Variants in SLC27A6 observed in about 807,000 individuals in gnomAD.
SLC27A6 encodes the protein solute carrier family 27 member 6.
In SLC27A6, 74 loss-of-function variants were observed where a neutral mutation model predicts 63.9. That is an observed-to-expected ratio of 1.16 (90% CI 0.96 to 1.40). SLC27A6 has a LOEUF of 1.40. SLC27A6 is among the 40% of genes most tolerant of loss of function. The pLI is 0.00. For missense variants in SLC27A6, 794 were observed against 732.9 expected (o/e 1.08, Z -0.96); for synonymous variants, 287 against 260.8 (o/e 1.10, Z -0.97).
intron 4 of SLC27A6, among the ~76,000 whole-genome samples, chr5:129,002,493 C>CCTCG (rs1306041844): frequency 1.1e-5 from 1 of 93,006 alleles, no homozygotes; most frequent in Admixed American, 1.4e-4. Flanking sequence ...TCTCTCGTTC[C>CCTCG]TTCCCTCTCT....
chr5:128,971,616 C>T (rs34745544), intron 1 of SLC27A6, among the ~76,000 whole-genome samples: 9 of 150,572 alleles, frequency 6.0e-5, no homozygotes, highest in Admixed American at 4.0e-4. Context: ...TTTGGTTGGT[C>T]GGTCTTCCTG....
In SLC27A6 at chr5:129,028,420, C is replaced by T. The variant is rs774230792; in HGVS notation, c.1530C>T (p.Asn510=). The T allele has an allele frequency of 2.5e-5, 40 of 1,604,058 alleles. No individual in the cohort carries two copies. The highest frequency in any genetic ancestry group is 8.4e-5 in the Admixed American group (5 of 59,648). Residue 510 remains asparagine (N), a synonymous_variant, in exon 8 of 10, where the codon AAC becomes AAT. Transcript: ENST00000262462. ...IGMLDFIQEA[N]VYGVAISGYE... ...TGTTGGATTTCATACAGGAAGCAAA[C>T]GTCTATGGTGTGGCTATATCAGGTA...
chr5:128,980,089 G>T (rs1482353048), intron 1 of SLC27A6, among the ~76,000 whole-genome samples: 1 of 152,138 alleles, frequency 6.6e-6, no homozygotes, highest in Non-Finnish European at 1.5e-5. Context: ...CCAATCTGTT[G>T]CTCTCCCTTC....
chr5:128,991,721 TA>T lies in SLC27A6; in HGVS notation c.969+1268del, dbSNP rs1181727318. Among the ~76,000 whole-genome samples, 647 of 148,784 alleles carry T rather than the reference TA, an allele frequency of 4.3e-3. 7 individuals are homozygous for T. Among genetic ancestry groups the T allele is most frequent in the African/African-American group, 0.014 (579 of 40,730 alleles). ...GATATCTTTTTGTTTTACTTTAAAT[TA>T]AAAAAAAAAACCCACATTGCTTTGA... On this transcript the variant is annotated intron_variant, in intron 4 of 9. Transcript: ENST00000262462.
chr5:128,986,157 T>A (rs913945773), intron 2 of SLC27A6, among the ~76,000 whole-genome samples: 1 of 151,386 alleles, frequency 6.6e-6, no homozygotes, highest in Non-Finnish European at 1.5e-5. Flanking sequence ...ACAAAAAAAT[T>A]AAAAAAAATA....
intron 4 of SLC27A6, among the ~76,000 whole-genome samples, chr5:129,002,489 GTTCC>G (rs762356396): frequency 0.23 from 33,601 of 149,322 alleles, 4,944 homozygotes; most frequent in East Asian, 0.7. Context: ...TCCCTCTCTC[GTTCC>G]TTCCCTCTCT....
At chr5:128,998,558 A>C (rs1751233586) in intron 4 of SLC27A6, among the ~76,000 whole-genome samples, 1 of 152,144 alleles carries the variant, frequency 6.6e-6, no homozygotes, top group African/African-American at 2.4e-5. Flanking sequence ...TGTCACAAAA[A>C]GACTAAAAAT....
At chr5:128,976,907 T>C (rs257895) in intron 1 of SLC27A6, among the ~76,000 whole-genome samples, 11,711 of 152,206 alleles carry the variant, frequency 0.077, 1,254 homozygotes, top group East Asian at 0.56. Context: ...TAATATGTGG[T>C]GTATTAAGAA....
At chr5:128,984,660 C>T (rs1156240525) in intron 1 of SLC27A6, among the ~76,000 whole-genome samples, 2 of 152,216 alleles carry the variant, frequency 1.3e-5, no homozygotes, top group Non-Finnish European at 2.9e-5. Context: ...GGAATGATTT[C>T]TAAACCACAA....
At chr5:129,002,997 T>A (rs548470930) in intron 4 of SLC27A6, among the ~76,000 whole-genome samples, 5 of 152,338 alleles carry the variant, frequency 3.3e-5, no homozygotes, top group African/African-American at 1.2e-4. Context: ...CCTTTATTTC[T>A]ATGTGCACCC....
chr5:129,022,445 A>G (rs1055012954), intron 5 of SLC27A6, among the ~76,000 whole-genome samples: 1 of 152,094 alleles, frequency 6.6e-6, no homozygotes, highest in Non-Finnish European at 1.5e-5. Context: ...TTTGTATTTA[A>G]TCTTTGATGA....
At chr5:129,025,507 C>CT (rs920895414) in intron 6 of SLC27A6, among the ~76,000 whole-genome samples, 4 of 151,780 alleles carry the variant, frequency 2.6e-5, no homozygotes, top group Non-Finnish European at 5.9e-5. Context: ...GGGCAAATTC[C>CT]TTTTTTTACG....
chr5:129,022,714 G>T (rs561828276), intron 5 of SLC27A6, among the ~76,000 whole-genome samples: 15 of 152,200 alleles, frequency 9.9e-5, no homozygotes, highest in African/African-American at 3.4e-4. Flanking sequence ...AAGCCCAGCT[G>T]CATGGAGGGA....
At chr5:128,992,572 G>A (rs975511549) in intron 4 of SLC27A6, among the ~76,000 whole-genome samples, 2 of 152,172 alleles carry the variant, frequency 1.3e-5, no homozygotes, top group Non-Finnish European at 2.9e-5. Flanking sequence ...CCAAGACAAA[G>A]AGTTCCAGAT....
At chr5:129,022,720 AGGGATAAGGT>A (rs1752115870) in intron 5 of SLC27A6, among the ~76,000 whole-genome samples, 1 of 151,944 alleles carries the variant, frequency 6.6e-6, no homozygotes, top group African/African-American at 2.4e-5. Flanking sequence ...AGCTGCATGG[AGGGATAAGGT>A]GGTAGGATTG....
chr5:128,991,913 G>A (rs113454854), intron 4 of SLC27A6, among the ~76,000 whole-genome samples: 3 of 151,544 alleles, frequency 2.0e-5, no homozygotes, highest in Admixed American at 6.6e-5. Context: ...TCCTGCTTTC[G>A]TTTATCTCTC....
chr5:128,991,905 CT>C (rs1192073624), intron 4 of SLC27A6, among the ~76,000 whole-genome samples: 1 of 151,744 alleles, frequency 6.6e-6, no homozygotes, highest in Non-Finnish European at 1.5e-5. Context: ...TTTCTTTTTC[CT>C]GCTTTCGTTT....
chr5:129,016,414 A>G (rs1261184240), intron 5 of SLC27A6, among the ~76,000 whole-genome samples: 1 of 150,608 alleles, frequency 6.6e-6, no homozygotes, highest in African/African-American at 2.4e-5. Context: ...AAAAAAAAAA[A>G]AAAAGGAGCA....
Position 129,023,604 on chromosome 5 carries a change from A to AT in SLC27A6, c.1165-5dup, listed in dbSNP as rs550659921. 251,733 of 1,241,006 alleles carry AT rather than the reference A, an allele frequency of 0.2. 10,224 individuals are homozygous for AT. Among genetic ancestry groups the AT allele is most frequent in the East Asian group, 0.44 (17,549 of 39,558 alleles). 76.9% of individuals were successfully genotyped at this position (1,241,006 alleles called of 1,614,324 possible). A position where few individuals can be genotyped will look rare whatever the true frequency, so the allele number is the denominator to read the frequency against. ...CTAAATGCTTGTTTCTATTTGTTTG[A>AT]TTTTTTTTTTTGCAGCTTCTTTCCA... is the stretch of plus-strand genomic sequence containing the variant. On this transcript the variant is annotated splice_polypyrimidine_tract_variant and intron_variant, in intron 5 of 9. Coordinates refer to ENST00000262462, the MANE Select transcript of SLC27A6 (RefSeq NM_001017372.3).
Sources: gnomAD v4.1 joint callset for allele counts (sites outside exome capture counted in the v4.1 genomes callset) on GRCh38, gnomAD v4.1.1 for gene constraint, MANE v1.5 for transcripts, NCBI Gene and HGNC (gene_info 2026-07-23, HGNC 2026-07-21) for gene names.